Variants in PPP6R3 observed in about 807,000 individuals in gnomAD.
PPP6R3 encodes the protein serine/threonine-protein phosphatase 6 regulatory subunit 3.
Under a neutral mutation model 110.7 loss-of-function variants are expected in PPP6R3, and 38 were observed. The ratio of observed to expected loss-of-function variants is 0.34; its 90% CI spans 0.26 to 0.45. The LOEUF is 0.45. Ranked by LOEUF, PPP6R3 falls within the 20% of genes least tolerant of loss-of-function variation. PPP6R3 has a pLI of 1.00. For missense variants in PPP6R3, 870 were observed against 1,062.4 expected (o/e 0.82, Z 2.52); for synonymous variants, 369 against 373.5 (o/e 0.99, Z 0.14).
In PPP6R3 at chr11:68,477,031, TAA is replaced by T. The variant is rs1197052533; in HGVS notation, c.-158+16217_-158+16218del. On this transcript the variant is annotated intron_variant, in intron 1 of 23. Transcript: ENST00000393800. ...ATGACAGAGTAAGACCCTGTTTCTT[TAA>T]AAAAAAAAAAAAGTGTTAATAAAAT... Among the ~76,000 whole-genome samples the T allele has an allele frequency of 8.1e-3, 1,161 of 143,532 alleles. 18 individuals carry two copies. Among genetic ancestry groups the T allele is most frequent in the African/African-American group, 0.028 (1,093 of 39,322 alleles). The allele number at this position is 143,532 out of a possible 152,430, so 94.2% of individuals were successfully genotyped here.
In PPP6R3 at chr11:68,572,154, T is replaced by C. The variant is rs896448108; in HGVS notation, c.1343+1050T>C. ...TCAGATACATTCTTCCAAATGGAGC[T>C]CTTTGGAGATGCTGTTTGTGGCCCA... On this transcript the variant is annotated intron_variant, in intron 12 of 23. Transcript: ENST00000393800. Among the ~76,000 whole-genome samples, 22 of 152,128 alleles carry C rather than the reference T, an allele frequency of 1.4e-4. 1 individual carries two copies.
chr11:68,485,155 A>ATT (rs993928423), intron 1 of PPP6R3, among the ~76,000 whole-genome samples: 2 of 148,688 alleles, frequency 1.3e-5, no homozygotes, highest in African/African-American at 4.9e-5. Context: ...AATATAAATA[A>ATT]TTTTTTTTTT....
At chr11:68,549,958 C>T (rs1017505469) in intron 5 of PPP6R3, among the ~76,000 whole-genome samples, 2 of 152,084 alleles carry the variant, frequency 1.3e-5, no homozygotes, top group African/African-American at 2.4e-5. Context: ...TTGATTAGTT[C>T]GCCGCCTGGA....
intron 1 of PPP6R3, among the ~76,000 whole-genome samples, chr11:68,468,775 A>T (rs543722063): frequency 2.6e-5 from 4 of 152,360 alleles, no homozygotes; most frequent in African/African-American, 9.6e-5. Context: ...TGAATATAAC[A>T]TTAGAACATA....
chr11:68,573,932 A>G (rs1593387583), intron 12 of PPP6R3, among the ~76,000 whole-genome samples, 177 bp from the exon 13 acceptor site: 1 of 152,120 alleles, frequency 6.6e-6, no homozygotes, highest in Admixed American at 6.5e-5. Flanking sequence ...ACCATGCTGC[A>G]TGGTCATATT....
intron 1 of PPP6R3, among the ~76,000 whole-genome samples, chr11:68,487,443 G>A (rs1297272055): frequency 6.6e-6 from 1 of 151,970 alleles, no homozygotes; most frequent in Non-Finnish European, 1.5e-5. Flanking sequence ...GGTGGCACAT[G>A]CCTGTAATCC....
At chr11:68,547,930 T>A in intron 4 of PPP6R3, 137 bp from the exon 5 acceptor site, 1 of 859,830 alleles carries the variant, frequency 1.2e-6, no homozygotes, top group Non-Finnish European at 1.7e-6. Context: ...TTTGATACCT[T>A]GTTGCTAATT....
Position 68,597,709 on chromosome 11 carries a change from G to A in PPP6R3, c.2038+1491G>A, listed in dbSNP as rs61218296. ...TGTACAGTTCAAGGTTGGGTGCAGT[G>A]GCTCAGGCCTGTAATCCCAGCACTT... On this transcript the variant is annotated intron_variant, in intron 19 of 23. Coordinates refer to ENST00000393800, the MANE Select transcript of PPP6R3 (RefSeq NM_001164161.2). Among the ~76,000 whole-genome samples the A allele has an allele frequency of 8.9e-3, 1,356 of 151,938 alleles. 18 individuals carry two copies. Among genetic ancestry groups the A allele is most frequent in the African/African-American group, 0.031 (1,299 of 41,380 alleles).
At chr11:68,499,205 T>C (rs1294630462) in intron 1 of PPP6R3, among the ~76,000 whole-genome samples, 1 of 152,182 alleles carries the variant, frequency 6.6e-6, no homozygotes, top group African/African-American at 2.4e-5. Flanking sequence ...ATAAACATTA[T>C]CTTGCAGTTT....
intron 15 of PPP6R3, among the ~76,000 whole-genome samples, chr11:68,584,896 A>G (rs1007399053): frequency 3.3e-5 from 5 of 152,226 alleles, no homozygotes; most frequent in Non-Finnish European, 7.3e-5. Flanking sequence ...TTGAAAATAA[A>G]TACACTCCAA....
intron 1 of PPP6R3, among the ~76,000 whole-genome samples, chr11:68,495,257 CAAAGT>C (rs2099008562): frequency 1.3e-5 from 2 of 152,174 alleles, no homozygotes; most frequent in Admixed American, 1.3e-4. Flanking sequence ...TTTGGTAAAG[CAAAGT>C]ACAGATGCTA....
intron 1 of PPP6R3, among the ~76,000 whole-genome samples, chr11:68,483,862 A>C (rs2098930523): frequency 6.6e-6 from 1 of 152,242 alleles, no homozygotes; most frequent in Non-Finnish European, 1.5e-5. Context: ...ACTGCCCTAC[A>C]GATCCTCTGT....
chr11:68,557,309 T>G (rs1261210225), intron 7 of PPP6R3, among the ~76,000 whole-genome samples: 1 of 152,080 alleles, frequency 6.6e-6, no homozygotes, highest in East Asian at 1.9e-4. Context: ...TCAAGTTAGG[T>G]TAGATACTAG....
chr11:68,561,300 A>G (rs1024847432), intron 8 of PPP6R3, among the ~76,000 whole-genome samples: 5 of 151,902 alleles, frequency 3.3e-5, no homozygotes, highest in South Asian at 2.1e-4. Flanking sequence ...CAGTCTCACT[A>G]TGTTGCCCAG....
chr11:68,536,622 C>G (rs1256145894), intron 2 of PPP6R3, among the ~76,000 whole-genome samples: 1 of 152,112 alleles, frequency 6.6e-6, no homozygotes, highest in Non-Finnish European at 1.5e-5. Flanking sequence ...CCTTTGCAGC[C>G]TCCTTCCTTT....
chr11:68,614,099 G>T lies in PPP6R3; in HGVS notation c.*982G>T, dbSNP rs1216417829. 1.0e-6 allele frequency: 1 copy of T among 986,014 alleles called. No individual in the cohort carries two copies. The highest frequency in any genetic ancestry group is 1.7e-5 in the African/African-American group (1 of 57,316). The allele number at this position is 986,014 out of a possible 1,614,324, so 61.1% of individuals were successfully genotyped here. The stretch of plus-strand genomic sequence containing the variant: ...GTTGAAAATGCTCGTGCTGCTAATG[G>T]AATTAGAGTGCGTTCATTTTACAGG... On this transcript the variant is annotated 3_prime_UTR_variant, in exon 24 of 24. Transcript: ENST00000393800.
At chr11:68,556,278 A>G (rs1290531804) in intron 7 of PPP6R3, among the ~76,000 whole-genome samples, 1 of 152,212 alleles carries the variant, frequency 6.6e-6, no homozygotes, top group Non-Finnish European at 1.5e-5. Context: ...AGAAGATGCT[A>G]AAGAGCAGGT....
At chr11:68,474,157 G>A (rs755079852) in intron 1 of PPP6R3, among the ~76,000 whole-genome samples, 2 of 150,964 alleles carry the variant, frequency 1.3e-5, no homozygotes, top group Non-Finnish European at 2.9e-5. Flanking sequence ...GAATCCTCTC[G>A]CTTCAGCCTC....
At chr11:68,521,051 C>T (rs922194904) in intron 2 of PPP6R3, among the ~76,000 whole-genome samples, 17 of 152,262 alleles carry the variant, frequency 1.1e-4, no homozygotes, top group Admixed American at 5.9e-4. Context: ...GTATTACAGG[C>T]GTGAGCCACC....
Sources: allele counts gnomAD v4.1 joint callset (sites outside exome capture counted in the v4.1 genomes callset), GRCh38; gene constraint gnomAD v4.1.1; transcripts MANE v1.5; gene names NCBI Gene and HGNC (gene_info 2026-07-23, HGNC 2026-07-21).